Variants in PARD3 observed in about 807,000 individuals in gnomAD.
The protein encoded by PARD3 is par-3 family cell polarity regulator.
Under a neutral mutation model 155.4 loss-of-function variants are expected in PARD3, and 75 were observed. The observed-to-expected ratio is 0.48, with a 90% CI of 0.40 to 0.58. The LOEUF is 0.58. Among genes scored for constraint, PARD3 ranks in the 20% least tolerant of loss-of-function variants. The pLI is 0.00. For missense variants in PARD3, 1,642 were observed against 1,721.7 expected, an observed-to-expected ratio of 0.95 and a Z score of 0.82; for synonymous variants, 576 against 610.5, an observed-to-expected ratio of 0.94 and a Z score of 0.83.
chr10:34,383,476 A>T (rs919543548), intron 8 of PARD3, among the ~76,000 whole-genome samples: 8 of 151,488 alleles, frequency 5.3e-5, no homozygotes, highest in African/African-American at 2.4e-5. Context: ...AAATCTCAAG[A>T]ACAGCAATCC....
intron 2 of PARD3, among the ~76,000 whole-genome samples, chr10:34,617,539 C>T (rs2091340139): frequency 6.6e-6 from 1 of 152,134 alleles, no homozygotes; most frequent in African/African-American, 2.4e-5. Flanking sequence ...ACTACTTACC[C>T]TAATTTGACC....
intron 2 of PARD3, among the ~76,000 whole-genome samples, chr10:34,538,768 G>A (rs1248904829): frequency 6.6e-6 from 1 of 152,212 alleles, no homozygotes; most frequent in Non-Finnish European, 1.5e-5. Context: ...CAGAAACGCA[G>A]GGGTGAGGCG....
At chr10:34,309,514 A>G (rs1957585469) in intron 20 of PARD3, among the ~76,000 whole-genome samples, 1 of 128,170 alleles carries the variant, frequency 7.8e-6, no homozygotes, top group Non-Finnish European at 1.6e-5. Context: ...GCATGATTGC[A>G]CCACTGTACT....
intron 3 of PARD3, among the ~76,000 whole-genome samples, chr10:34,482,595 C>A (rs963370697): frequency 1.4e-5 from 2 of 148,072 alleles, no homozygotes; most frequent in Non-Finnish European, 2.9e-5. Context: ...TACTAAATAC[C>A]ATGAGAAGCC....
rs1347058712 is a variant in PARD3 at position 34,246,487 on chromosome 10, TGAGGG to T, written c.3419+23165_3419+23169del. Among the ~76,000 whole-genome samples, 4 of 152,096 alleles carry T rather than the reference TGAGGG, an allele frequency of 2.6e-5. No individual in the cohort carries two copies. The South Asian group carries it at 8.3e-4, about 32-fold the overall frequency. On this transcript the variant is annotated intron_variant, in intron 22 of 24. Transcript: ENST00000374788. Reference sequence around the variant, plus strand: ...AAACCACACTGCAGCCACCCTGAGTTGAGGGGACAGAATTATGAATCTGGGAGGCT... The same window carrying T: ...AAACCACACTGCAGCCACCCTGAGTTGACAGAATTATGAATCTGGGAGGCT...
intron 4 of PARD3, among the ~76,000 whole-genome samples, chr10:34,465,029 T>C (rs945413525): frequency 5.3e-5 from 8 of 152,190 alleles, no homozygotes; most frequent in Non-Finnish European, 1.2e-4. Flanking sequence ...TCCTCCCATA[T>C]AGTTTAAATG....
intron 2 of PARD3, among the ~76,000 whole-genome samples, chr10:34,624,299 A>G (rs1564430099): frequency 6.6e-6 from 1 of 152,158 alleles, no homozygotes; most frequent in Non-Finnish European, 1.5e-5. Context: ...TTGACCTATC[A>G]AGCATGATGT....
At chr10:34,615,972 A>T (rs1353542357) in intron 2 of PARD3, among the ~76,000 whole-genome samples, 1 of 152,204 alleles carries the variant, frequency 6.6e-6, no homozygotes, top group African/African-American at 2.4e-5. Context: ...GAGAAAGGAG[A>T]ACTCTTCTTG....
chr10:34,789,275 G>A (rs757242583), intron 1 of PARD3, among the ~76,000 whole-genome samples: 2 of 152,148 alleles, frequency 1.3e-5, no homozygotes, highest in African/African-American at 4.8e-5. Context: ...CAGCCTGGGC[G>A]ACAGAGACTT....
chr10:34,612,420 G>T (rs568187355), intron 2 of PARD3, among the ~76,000 whole-genome samples: 1 of 152,090 alleles, frequency 6.6e-6, no homozygotes, highest in Non-Finnish European at 1.5e-5. Context: ...CTAATACAAC[G>T]GAAGGTTAAA....
At chr10:34,691,118 G>A (rs1364019078) in intron 2 of PARD3, among the ~76,000 whole-genome samples, 1 of 152,116 alleles carries the variant, frequency 6.6e-6, no homozygotes, top group Non-Finnish European at 1.5e-5. Flanking sequence ...CAAGAGGTGA[G>A]GTGGCACCCA....
intron 21 of PARD3, among the ~76,000 whole-genome samples, chr10:34,271,949 C>T (rs1293495383): frequency 3.9e-5 from 6 of 152,242 alleles, no homozygotes; most frequent in East Asian, 1.9e-4. Context: ...TAATCCCTAA[C>T]GAAACAAAAC....
chr10:34,518,847 A>G (rs1217843169), intron 2 of PARD3, among the ~76,000 whole-genome samples: 1 of 152,184 alleles, frequency 6.6e-6, no homozygotes, highest in Non-Finnish European at 1.5e-5. Flanking sequence ...TCCCCAGAAG[A>G]GTCATTTTGA....
At chr10:34,597,281 TTTTG>T (rs2089363185) in intron 2 of PARD3, among the ~76,000 whole-genome samples, 1 of 151,820 alleles carries the variant, frequency 6.6e-6, no homozygotes, top group South Asian at 2.1e-4. Context: ...TAGCGCTTTT[TTTTG>T]TTTTTGTTTA....
intron 3 of PARD3, among the ~76,000 whole-genome samples, chr10:34,500,022 G>C (rs1219863165): frequency 6.6e-6 from 1 of 152,212 alleles, no homozygotes; most frequent in African/African-American, 2.4e-5. Context: ...GTTCAGTACA[G>C]ATGCAATTTT....
At chr10:34,416,558 C>T (rs920474086) in intron 5 of PARD3, among the ~76,000 whole-genome samples, 2 of 152,170 alleles carry the variant, frequency 1.3e-5, no homozygotes, top group African/African-American at 4.8e-5. Flanking sequence ...CCTCAGGCAT[C>T]TTTGCACCTA....
At chr10:34,395,984 T>C (rs1180857118) in intron 7 of PARD3, among the ~76,000 whole-genome samples, 1 of 152,198 alleles carries the variant, frequency 6.6e-6, no homozygotes. Context: ...TTGTCATTAA[T>C]GCCCCTGATT....
intron 2 of PARD3, among the ~76,000 whole-genome samples, chr10:34,687,881 G>T (rs1194296843): frequency 2.6e-5 from 2 of 77,224 alleles, no homozygotes; most frequent in Admixed American, 1.9e-4. Context: ...TTGAGACAGG[G>T]TCTCACTCTG....
rs7917555 is a variant in PARD3 at position 34,669,939 on chromosome 10, C to T, written c.222+26379G>A. 9.7e-3 allele frequency among the ~76,000 whole-genome samples: 1,481 copies of T among 152,278 alleles called. 27 individuals are homozygous for T. Among genetic ancestry groups the T allele is most frequent in the African/African-American group, 0.033 (1,363 of 41,544 alleles). On this transcript the variant is annotated intron_variant, in intron 2 of 24. Transcript: ENST00000374788. ...TATAGTACTCTTTGACAAAGCTACA[C>T]CTATGTGTCTAAAAGATTTATAGTG...
Sources: allele counts gnomAD v4.1 joint callset (sites outside exome capture counted in the v4.1 genomes callset), GRCh38; gene constraint gnomAD v4.1.1; transcripts MANE v1.5; gene names NCBI Gene and HGNC (gene_info 2026-07-23, HGNC 2026-07-21).